The following CNTN5 variants were observed in gnomAD, a reference collection of about 807,000 sequenced individuals.
CNTN5 encodes contactin-5.
In CNTN5, 77 loss-of-function variants were observed where a neutral mutation model predicts 129.1. The ratio of observed to expected loss-of-function variants is 0.60; its 90% CI spans 0.50 to 0.72. The LOEUF (loss-of-function observed/expected upper bound fraction) is 0.72. CNTN5 is among the 30% of genes least tolerant of loss of function. The pLI is 0.00. For synonymous variants in CNTN5, 509 were observed against 465.6 expected (o/e 1.09, Z -1.20); for missense variants, 1,478 against 1,328.8 (o/e 1.11, Z -1.75).
chr11:99,698,519 T>C lies in CNTN5; in HGVS notation c.56-121025T>C, dbSNP rs991055792. Among the ~76,000 whole-genome samples, 4 of 151,464 alleles carry C rather than the reference T, an allele frequency of 2.6e-5. No individual in the cohort carries two copies. In the Admixed American group the frequency reaches 2.6e-4, roughly 10 times the overall value. On this transcript the variant is annotated intron_variant, in intron 3 of 24. Transcript: ENST00000524871. ...GGTCAAATGCATTTACTGACTGTAG[T>C]TGCATGCTTATGGTGACAGAGGCAA...
At chr11:100,015,186 C>T (rs905943900) in intron 9 of CNTN5, among the ~76,000 whole-genome samples, 9 of 152,054 alleles carry the variant, frequency 5.9e-5, no homozygotes, top group African/African-American at 9.7e-5. Flanking sequence ...AACGTATAAG[C>T]CTGAGACTAA....
At chr11:99,513,065 T>G (rs144114709) in intron 2 of CNTN5, among the ~76,000 whole-genome samples, 1 of 152,112 alleles carries the variant, frequency 6.6e-6, no homozygotes, top group Non-Finnish European at 1.5e-5. Context: ...GAATTTAAAG[T>G]GCTACTCCAG....
At chr11:99,333,977 C>G (rs1358820198) in intron 2 of CNTN5, among the ~76,000 whole-genome samples, 1 of 17,558 alleles carries the variant, frequency 5.7e-5, no homozygotes, top group Non-Finnish European at 1.1e-4. Context: ...CTCTCTCACA[C>G]ACACACACAC....
At chr11:100,170,807 GA>G (rs530884203) in intron 13 of CNTN5, among the ~76,000 whole-genome samples, 2,992 of 144,902 alleles carry the variant, frequency 0.021, 84 homozygotes, top group African/African-American at 0.073. Flanking sequence ...TCAGAGAAAG[GA>G]AAAAAAAAGA....
At chr11:99,122,335 G>A (rs1858384094) in intron 1 of CNTN5, among the ~76,000 whole-genome samples, 1 of 152,088 alleles carries the variant, frequency 6.6e-6, no homozygotes, top group South Asian at 2.1e-4. Context: ...TAATATGAGT[G>A]AAAGGTGAGA....
At chr11:100,062,506 C>T (rs1943524866) in intron 10 of CNTN5, among the ~76,000 whole-genome samples, 1 of 152,216 alleles carries the variant, frequency 6.6e-6, no homozygotes, top group East Asian at 1.9e-4. Flanking sequence ...CTCTACATGC[C>T]AGCAATAGAG....
At chr11:99,797,452 A>T (rs537531596) in intron 3 of CNTN5, among the ~76,000 whole-genome samples, 1 of 152,262 alleles carries the variant, frequency 6.6e-6, no homozygotes, top group East Asian at 1.9e-4. Flanking sequence ...CACTTTTTTG[A>T]ATCTGTAATA....
chr11:99,753,352 G>T (rs1056480966), intron 3 of CNTN5, among the ~76,000 whole-genome samples: 1 of 151,586 alleles, frequency 6.6e-6, no homozygotes, highest in African/African-American at 2.4e-5. Context: ...TCGATCTCCT[G>T]ACCTCGTGAT....
At chr11:99,400,288 G>T (rs1327703604) in intron 2 of CNTN5, among the ~76,000 whole-genome samples, 1 of 152,002 alleles carries the variant, frequency 6.6e-6, no homozygotes, top group African/African-American at 2.4e-5. Context: ...GTCTTTCTGT[G>T]CCTGCTATTT....
At chr11:100,257,030 C>T (rs560160946) in intron 17 of CNTN5, among the ~76,000 whole-genome samples, 55 of 152,094 alleles carry the variant, frequency 3.6e-4, no homozygotes, top group Non-Finnish European at 7.5e-4. Context: ...CCCATGGAGC[C>T]CAGCAAGCTA....
intron 1 of CNTN5, among the ~76,000 whole-genome samples, chr11:99,084,860 CAATT>C (rs1309680670): frequency 6.6e-6 from 1 of 152,110 alleles, no homozygotes; most frequent in African/African-American, 2.4e-5. Flanking sequence ...TTCTCTCAAA[CAATT>C]AAGTATCCAA....
intron 3 of CNTN5, among the ~76,000 whole-genome samples, chr11:99,790,784 A>G (rs191209251): frequency 8.9e-4 from 135 of 152,230 alleles, no homozygotes; most frequent in Non-Finnish European, 1.6e-3. Context: ...TTACATTCCC[A>G]CTAGCAACAT....
intron 16 of CNTN5, among the ~76,000 whole-genome samples, chr11:100,246,109 G>A (rs192265254): frequency 4.7e-4 from 72 of 151,858 alleles, no homozygotes; most frequent in Non-Finnish European, 8.7e-4. Context: ...TGATACATGC[G>A]TTCTTGTTTT....
At chr11:99,930,397 T>A (rs1010589820) in intron 7 of CNTN5, among the ~76,000 whole-genome samples, 1 of 152,170 alleles carries the variant, frequency 6.6e-6, no homozygotes, top group Non-Finnish European at 1.5e-5. Flanking sequence ...TCCTAGGATC[T>A]TACTGGGAGT....
intron 3 of CNTN5, among the ~76,000 whole-genome samples, chr11:99,641,794 A>G (rs77289748): frequency 0.012 from 1,899 of 152,198 alleles, 20 homozygotes; most frequent in Non-Finnish European, 0.02. Flanking sequence ...CCCTTTGCCT[A>G]TCTCCCAACT....
intron 3 of CNTN5, among the ~76,000 whole-genome samples, chr11:99,764,135 T>C (rs947979): frequency 0.44 from 66,102 of 151,840 alleles, 14,861 homozygotes; most frequent in Non-Finnish European, 0.5. Context: ...TTAAAAATTA[T>C]AGACTATATG....
intron 15 of CNTN5, among the ~76,000 whole-genome samples, chr11:100,211,991 A>G (rs1309488675): frequency 2.6e-5 from 4 of 152,110 alleles, no homozygotes; most frequent in African/African-American, 7.2e-5. Context: ...CTTTAAAAGG[A>G]TGACTTTCCC....
At chr11:100,316,715 G>C (rs561190607) in intron 21 of CNTN5, among the ~76,000 whole-genome samples, 1 of 152,272 alleles carries the variant, frequency 6.6e-6, no homozygotes, top group East Asian at 1.9e-4. Flanking sequence ...GTGGAACAAA[G>C]TCTTCCATGA....
At position 99,277,786 on chromosome 11, in the gene CNTN5, A is replaced by T. The variant is rs1028590731; in HGVS notation, c.-209-47560A>T. ...GTATTATAGTGACTTAGTGTATTTT[A>T]AAAAATGGAGCCATTTTAAGAACTA... is the stretch of plus-strand genomic sequence containing the variant. On this transcript the variant is annotated intron_variant, in intron 1 of 24. Transcript: ENST00000524871. Among the ~76,000 whole-genome samples the T allele has an allele frequency of 3.3e-5, 5 of 151,710 alleles. 1 individual carries two copies. Among genetic ancestry groups the T allele is most frequent in the African/African-American group, 1.2e-4 (5 of 41,392 alleles).
Sources: allele counts gnomAD v4.1 joint callset (sites outside exome capture counted in the v4.1 genomes callset), GRCh38; gene constraint gnomAD v4.1.1; transcripts MANE v1.5; gene names NCBI Gene and HGNC (gene_info 2026-07-23, HGNC 2026-07-21).